Variants in TMTC2 observed in about 807,000 individuals in gnomAD.
The protein encoded by TMTC2 is protein O-mannosyl-transferase TMTC2.
In TMTC2, 43 loss-of-function variants were observed where a neutral mutation model predicts 82.4. The observed-to-expected ratio is 0.52, with a 90% CI of 0.41 to 0.67. TMTC2 has a LOEUF of 0.67. Ranked by LOEUF, TMTC2 falls within the 30% of genes least tolerant of loss-of-function variation. The pLI, the probability that TMTC2 is intolerant of heterozygous loss-of-function variation, is 0.00. For missense variants in TMTC2, 919 were observed against 1,012.4 expected (o/e 0.91, Z 1.25); for synonymous variants, 408 against 381.9 (o/e 1.07, Z -0.80).
chr12:83,016,449 A>G (rs1880685411), intron 8 of TMTC2, among the ~76,000 whole-genome samples: 1 of 152,102 alleles, frequency 6.6e-6, no homozygotes, highest in African/African-American at 2.4e-5. Flanking sequence ...CTCCTTATGT[A>G]CTTACTGTGC....
intron 1 of TMTC2, among the ~76,000 whole-genome samples, chr12:82,840,085 C>T (rs1423470350): frequency 6.6e-6 from 1 of 152,176 alleles, no homozygotes; most frequent in Non-Finnish European, 1.5e-5. Flanking sequence ...GGAAAAAGTG[C>T]TCGCCTACAG....
chr12:83,031,956 A>G (rs1814283378), intron 9 of TMTC2, among the ~76,000 whole-genome samples: 1 of 152,136 alleles, frequency 6.6e-6, no homozygotes, highest in African/African-American at 2.4e-5. Context: ...CTGTAATGCC[A>G]TGTTAAAATA....
At position 82,944,401 on chromosome 12, in the gene TMTC2, G is replaced by A. The variant is rs568604396; in HGVS notation, c.1598+13856G>A. On this transcript the variant is annotated intron_variant, in intron 4 of 11. Coordinates refer to ENST00000321196, the MANE Select transcript of TMTC2 (RefSeq NM_152588.3). ...AGATCGAGAACATCCTGGCTAACACGGTGAAACCCCATCTCTACTAAAAAT... is the reference window on the plus strand; with the variant it reads ...AGATCGAGAACATCCTGGCTAACACAGTGAAACCCCATCTCTACTAAAAAT... Among the ~76,000 whole-genome samples the A allele has an allele frequency of 6.6e-5, 10 of 151,958 alleles. No homozygotes were observed. The East Asian group carries it at 1.2e-3, about 18-fold the overall frequency.
chr12:82,936,001 A>G (rs1011085749), intron 4 of TMTC2, among the ~76,000 whole-genome samples: 1 of 152,100 alleles, frequency 6.6e-6, no homozygotes, highest in Non-Finnish European at 1.5e-5. Context: ...AGCTTTGGGT[A>G]AGGGTAACGT....
intron 11 of TMTC2, among the ~76,000 whole-genome samples, chr12:83,077,561 G>A (rs931955952): frequency 6.6e-6 from 1 of 151,598 alleles, no homozygotes; most frequent in South Asian, 2.1e-4. Context: ...TTTTTACCTT[G>A]TTAATGTGTC....
At chr12:82,835,526 A>G (rs530962694) in intron 1 of TMTC2, among the ~76,000 whole-genome samples, 1 of 152,126 alleles carries the variant, frequency 6.6e-6, no homozygotes, top group African/African-American at 2.4e-5. Context: ...GCTTTGTTTA[A>G]CTTCAGTTGG....
At chr12:83,067,874 G>C (rs931599324) in intron 11 of TMTC2, among the ~76,000 whole-genome samples, 8 of 151,968 alleles carry the variant, frequency 5.3e-5, no homozygotes, top group Non-Finnish European at 1.0e-4. Context: ...TATTCCATGT[G>C]TATTTAGTAT....
intron 4 of TMTC2, among the ~76,000 whole-genome samples, chr12:82,959,577 G>A (rs1877804294): frequency 6.6e-6 from 1 of 152,094 alleles, no homozygotes; most frequent in African/African-American, 2.4e-5. Context: ...ATGAGAAAAG[G>A]ATTTGCTGTT....
intron 1 of TMTC2, among the ~76,000 whole-genome samples, chr12:82,784,563 A>G (rs1383476308): frequency 6.6e-6 from 1 of 152,108 alleles, no homozygotes; most frequent in African/African-American, 2.4e-5. Context: ...GGGAAAGCTG[A>G]AGTTGTGAAC....
At chr12:83,025,425 A>G (rs978316721) in intron 8 of TMTC2, among the ~76,000 whole-genome samples, 1 of 150,932 alleles carries the variant, frequency 6.6e-6, no homozygotes, top group African/African-American at 2.4e-5. Flanking sequence ...ATATATTTAT[A>G]TTTATGTATA....
intron 7 of TMTC2, among the ~76,000 whole-genome samples, chr12:82,972,973 G>T (rs1298063211): frequency 6.6e-6 from 1 of 152,114 alleles, no homozygotes; most frequent in Non-Finnish European, 1.5e-5. Flanking sequence ...TGACATGATG[G>T]TTTATATGCT....
intron 1 of TMTC2, among the ~76,000 whole-genome samples, chr12:82,735,051 G>T (rs1033653057): frequency 6.6e-5 from 10 of 152,204 alleles, no homozygotes; most frequent in Non-Finnish European, 1.3e-4. Flanking sequence ...TTATTCCACA[G>T]ATACTTATTG....
intron 11 of TMTC2, among the ~76,000 whole-genome samples, chr12:83,102,695 G>A (rs77312101): frequency 0.055 from 8,316 of 152,248 alleles, 334 homozygotes; most frequent in East Asian, 0.22. Flanking sequence ...ATAGCTGTCT[G>A]TGTTTTGTTT....
chr12:82,968,849 G>A (rs528669487), intron 7 of TMTC2, among the ~76,000 whole-genome samples: 19 of 152,138 alleles, frequency 1.2e-4, no homozygotes, highest in Non-Finnish European at 2.6e-4. Flanking sequence ...CATTAGAGAA[G>A]GAGATGGTTG....
At chr12:83,107,656 G>A (rs1884456725) in intron 11 of TMTC2, among the ~76,000 whole-genome samples, 1 of 152,094 alleles carries the variant, frequency 6.6e-6, no homozygotes, top group Non-Finnish European at 1.5e-5. Flanking sequence ...AAGTAAACAT[G>A]GATAAGAAAA....
intron 1 of TMTC2, among the ~76,000 whole-genome samples, chr12:82,693,968 CAAAAAAAAAAAAA>C (rs1005660355): frequency 2.4e-5 from 1 of 41,454 alleles, no homozygotes; most frequent in Non-Finnish European, 5.0e-5. Context: ...AACTCCATCT[CAAAAAAAAAAAAA>C]AAAAAAAAAA....
chr12:83,004,658 C>T (rs1338523948), intron 8 of TMTC2, among the ~76,000 whole-genome samples: 1 of 144,854 alleles, frequency 6.9e-6, no homozygotes, highest in Non-Finnish European at 1.5e-5. Flanking sequence ...CATGGCTCTG[C>T]ACGGGATCTT....
rs139093907 is a variant in TMTC2, at chr12:83,131,882, T to G, written c.2332-328T>G. On this transcript the variant is annotated intron_variant, in intron 11 of 11. Coordinates refer to ENST00000321196, the MANE Select transcript of TMTC2 (RefSeq NM_152588.3). ...TTTATAAATTCTTTCCATCTGAAATTGTATCACTTGTAAAGGTTTTTTTCT... is the reference window on the plus strand; with the variant it reads ...TTTATAAATTCTTTCCATCTGAAATGGTATCACTTGTAAAGGTTTTTTTCT... Among the ~76,000 whole-genome samples, 729 of 152,336 alleles carry G rather than the reference T, an allele frequency of 4.8e-3. 4 individuals are homozygous for G. Among genetic ancestry groups the G allele is most frequent in the African/African-American group, 0.017 (702 of 41,582 alleles).
At chr12:82,831,542 G>A (rs1869746663) in intron 1 of TMTC2, among the ~76,000 whole-genome samples, 1 of 152,114 alleles carries the variant, frequency 6.6e-6, no homozygotes, top group East Asian at 1.9e-4. Context: ...AAAGGGGAAT[G>A]GGATTGCCAT....
Sources: gnomAD v4.1 joint callset for allele counts (sites outside exome capture counted in the v4.1 genomes callset) on GRCh38, gnomAD v4.1.1 for gene constraint, MANE v1.5 for transcripts, NCBI Gene and HGNC (gene_info 2026-07-23, HGNC 2026-07-21) for gene names.